Variants in ARID1B observed in about 807,000 individuals in gnomAD.
ARID1B encodes AT-rich interactive domain-containing protein 1B.
A neutral mutation model predicts 212.3 loss-of-function variants in ARID1B; 30 were observed. The ratio of observed to expected loss-of-function variants is 0.14; its 90% CI spans 0.11 to 0.19. The LOEUF is 0.19. ARID1B is among the 10% of genes least tolerant of loss of function. The pLI is 1.00. For synonymous variants in ARID1B, 1,402 were observed against 1,301.7 expected (o/e 1.08, Z -1.66); for missense variants, 2,891 against 3,204.0 (o/e 0.90, Z 2.36).
At chr6:156,938,659 G>A in intron 4 of ARID1B, 1 of 152,232 alleles carries the variant, frequency 6.6e-6, no homozygotes, top group South Asian at 2.1e-4. Flanking sequence ...AGATAGGTTT[G>A]TAATGTTTCT....
chr6:156,873,921 T>G (rs1786340683), intron 2 of ARID1B, among the ~76,000 whole-genome samples: 1 of 152,208 alleles, frequency 6.6e-6, no homozygotes, highest in Admixed American at 6.5e-5. Context: ...ACCCACGGCC[T>G]CCTCAGAAAC....
intron 2 of ARID1B, 79 bp from the exon 3 acceptor site, chr6:156,901,297 T>C (rs1476314830): frequency 6.5e-7 from 1 of 1,537,602 alleles, no homozygotes; most frequent in African/African-American, 1.4e-5. Context: ...CCCTTCATGT[T>C]GCTGAATTGA....
At chr6:156,997,649 A>G (rs73578064) in intron 4 of ARID1B, among the ~76,000 whole-genome samples, 1,478 of 147,270 alleles carry the variant, frequency 0.01, 35 homozygotes, top group African/African-American at 0.035. Flanking sequence ...AAACACTTGC[A>G]TTTTAACTTG....
rs1583469390 is a variant in ARID1B at position 157,184,328 on chromosome 6, A to G, written c.3812A>G (p.Tyr1271Cys). ...TCCCTGAAAAAGCAGTATATTCAGT[A>G]CCTGTTTGCCTTTGAGTGCAAGATC... ...ASSLKKQYIQ[Y>C]LFAFECKIER... Residue 1271 changes from tyrosine to cysteine, a missense_variant, in exon 13 of 20, where the codon TAC becomes TGC. Tyr to Cys is a radical substitution (Grantham distance 194). Coordinates refer to ENST00000636930, the MANE Select transcript of ARID1B (RefSeq NM_001374828.1). 1 of 1,614,140 alleles carries G rather than the reference A, an allele frequency of 6.2e-7. No individual in the cohort carries two copies. Among genetic ancestry groups the G allele is most frequent in the South Asian group, 1.1e-5 (1 of 91,084 alleles).
chr6:157,099,753 C>T (rs114099838), intron 5 of ARID1B, among the ~76,000 whole-genome samples: 270 of 152,226 alleles, frequency 1.8e-3, no homozygotes, highest in African/African-American at 6.4e-3. Context: ...ACTCAGACCA[C>T]AGTAGGGAGG....
At chr6:156,931,942 C>T (rs115628973) in intron 3 of ARID1B, among the ~76,000 whole-genome samples, 4 of 129,124 alleles carry the variant, frequency 3.1e-5, no homozygotes, top group African/African-American at 6.0e-5. Flanking sequence ...GCCTGGGCAA[C>T]GAGAGCAAGA....
At position 157,207,693 on chromosome 6, in the gene ARID1B, C is replaced by G. The variant is rs769738505; in HGVS notation, c.6921C>G (p.Pro2307=). 2 of 1,608,994 alleles carry G rather than the reference C, an allele frequency of 1.2e-6. No homozygotes were observed. Among genetic ancestry groups the G allele is most frequent in the African/African-American group, 1.3e-5 (1 of 74,940 alleles). ...QSQHNLMHMQ[P]PPLEPPSVDM... is the part of the protein sequence containing the mutation. ...AGCACAACCTCATGCACATGCAGCC[C>G]CCGCCCCTGGAACCACCTAGCGTAG... Residue 2307 remains proline (P), a synonymous_variant, in exon 20 of 20, where the codon CCC becomes CCG. Coordinates refer to ENST00000636930, the MANE Select transcript of ARID1B (RefSeq NM_001374828.1). This position sits in a 1 kb window ranked among gnomAD's most constrained non-coding sequence, Gnocchi z 8.5.
chr6:156,901,285 C>A (rs1788907938), intron 2 of ARID1B, 91 bp from the exon 3 acceptor site: 3 of 1,443,032 alleles, frequency 2.1e-6, no homozygotes, highest in East Asian at 2.3e-5. Flanking sequence ...TAGCAGAGAA[C>A]CCCCTTCATG....
intron 4 of ARID1B, among the ~76,000 whole-genome samples, chr6:156,989,034 CTT>C (rs1778109738): frequency 6.6e-6 from 1 of 152,224 alleles, no homozygotes; most frequent in Admixed American, 6.5e-5. Context: ...ACTCTATTGA[CTT>C]TTCTTGTGTT....
intron 1 of ARID1B, among the ~76,000 whole-genome samples, chr6:156,799,448 T>G (rs1280957070): frequency 3.9e-5 from 6 of 152,254 alleles, no homozygotes; most frequent in Admixed American, 3.9e-4. Context: ...TGATAGATTT[T>G]TTTTATTGCT....
chr6:156,809,331 A>G (rs1200368640), intron 1 of ARID1B, among the ~76,000 whole-genome samples: 4 of 152,198 alleles, frequency 2.6e-5, no homozygotes. Flanking sequence ...GGATATTGAC[A>G]TTTTACGGAT....
chr6:157,136,455 G>GCT (rs1203686419), intron 7 of ARID1B, among the ~76,000 whole-genome samples: 1 of 152,160 alleles, frequency 6.6e-6, no homozygotes, highest in African/African-American at 2.4e-5. Context: ...CCACACCTGA[G>GCT]CTGCACTGCC....
rs1464146602 is a variant in ARID1B, at chr6:156,778,906, G to GAGGAGGAGC, written c.1232_1240dup (p.Gly411_Gly413dup). 20 of 1,367,022 alleles carry GAGGAGGAGC rather than the reference G, an allele frequency of 1.5e-5. 1 individual carries two copies. The highest frequency in any genetic ancestry group is 9.3e-5 in the East Asian group (3 of 32,330). 84.7% of individuals were successfully genotyped at this position (1,367,022 alleles called of 1,614,324 possible). ...GGAGGCAGCGGAGGAGGAGGAGGAG[G>GAGGAGGAGC]AGGAGGAGCAGGAGCAGGAGGAGCA... On this transcript the variant is annotated inframe_insertion, in exon 1 of 20. Transcript: ENST00000636930.
Position 157,201,075 on chromosome 6 carries a change from A to G in ARID1B, c.4850A>G (p.Asn1617Ser). The change falls in exon 18 of 20, where the codon AAC becomes AGC. Residue 1617 changes from asparagine to serine, a missense_variant. Asn to Ser is a conservative substitution (Grantham distance 46, BLOSUM62 1). Transcript: ENST00000636930. This position sits in a 1 kb window ranked among gnomAD's most constrained non-coding sequence, Gnocchi z 5.2. ...CAGGCGCCCCCTTACCCAGGCATGA[A>G]CCGCACAGACGATATGATGGTACCC... ...PTQAPPYPGM[N>S]RTDDMMVPDQ... 2 of 1,614,156 alleles carry G rather than the reference A, an allele frequency of 1.2e-6. No individual in the cohort carries two copies. Among genetic ancestry groups the G allele is most frequent in the Non-Finnish European group, 1.7e-6 (2 of 1,180,008 alleles).
intron 6 of ARID1B, among the ~76,000 whole-genome samples, chr6:157,123,198 GTCTCTC>G (rs377283771): frequency 9.6e-4 from 141 of 146,814 alleles, no homozygotes; most frequent in African/African-American, 2.3e-3. Context: ...CTCTGTCTCT[GTCTCTC>G]TCTCAATCTT....
chr6:157,197,713 T>A (rs1793820498), intron 16 of ARID1B, among the ~76,000 whole-genome samples: 1 of 152,186 alleles, frequency 6.6e-6, no homozygotes, highest in Non-Finnish European at 1.5e-5. Flanking sequence ...AAGCTACAGA[T>A]GTTTTTTTGG....
At chr6:157,115,006 C>A (rs1283206872) in intron 6 of ARID1B, among the ~76,000 whole-genome samples, 4 of 152,120 alleles carry the variant, frequency 2.6e-5, no homozygotes, top group Non-Finnish European at 4.4e-5. Context: ...AACCATGTAC[C>A]CTGTGTGTCA....
rs534914980 is a variant in ARID1B at position 157,021,879 on chromosome 6, G to GCCGCCGCC, written c.2248-62778_2248-62771dup. Reference sequence around the variant, plus strand: ...GAGTGTTTCCCCTGCGCCGTCTCGCGCCGCCGCCCCGCTACCTCGCCGCGC... The same window carrying GCCGCCGCC: ...GAGTGTTTCCCCTGCGCCGTCTCGCGCCGCCGCCCCGCCGCCCCGCTACCTCGCCGCGC... On this transcript the variant is annotated intron_variant, in intron 4 of 19. Transcript: ENST00000636930. 6.7e-3 allele frequency among the ~76,000 whole-genome samples: 1,024 copies of GCCGCCGCC among 152,250 alleles called. 5 individuals carry two copies. The highest frequency in any genetic ancestry group is 0.024 in the African/African-American group (978 of 41,556).
At chr6:157,056,548 T>C (rs963633785) in intron 4 of ARID1B, among the ~76,000 whole-genome samples, 1 of 152,222 alleles carries the variant, frequency 6.6e-6, no homozygotes, top group Non-Finnish European at 1.5e-5. Context: ...GCTGCGTTTC[T>C]GTTTTCAGTG....
Sources: gnomAD v4.1 joint callset for allele counts (sites outside exome capture counted in the v4.1 genomes callset) on GRCh38, gnomAD v4.1.1 for gene constraint, Gnocchi (gnomAD v3.1) non-coding constraint, MANE v1.5 for transcripts, NCBI Gene and HGNC (gene_info 2026-07-23, HGNC 2026-07-21) for gene names.